EXOC5: variants seen among roughly 807,000 people sequenced by gnomAD.
EXOC5 encodes exocyst complex component 5.
A neutral mutation model predicts 90.8 loss-of-function variants in EXOC5; 17 were observed. The ratio of observed to expected loss-of-function variants is 0.19; its 90% CI spans 0.13 to 0.28. The LOEUF (loss-of-function observed/expected upper bound fraction) is 0.28. Ranked by LOEUF, EXOC5 falls within the 10% of genes least tolerant of loss-of-function variation. The pLI is 1.00. For missense variants in EXOC5, 569 were observed against 830.6 expected, an observed-to-expected ratio of 0.69 and a Z score of 3.87; for synonymous variants, 260 against 270.0, an observed-to-expected ratio of 0.96 and a Z score of 0.36.
intron 12 of EXOC5, among the ~76,000 whole-genome samples, chr14:57,224,323 A>G (rs1883239469): frequency 6.6e-6 from 1 of 152,154 alleles, no homozygotes; most frequent in Non-Finnish European, 1.5e-5. Context: ...CAGTAAAATG[A>G]ATAAATCTCT....
intron 6 of EXOC5, among the ~76,000 whole-genome samples, chr14:57,236,568 G>A (rs1056149563): frequency 9.9e-5 from 15 of 152,014 alleles, no homozygotes; most frequent in Non-Finnish European, 2.1e-4. Context: ...TTACAGGTGC[G>A]AACCACCATG....
intron 15 of EXOC5, among the ~76,000 whole-genome samples, chr14:57,212,786 C>T (rs959955546): frequency 8.5e-5 from 13 of 152,104 alleles, no homozygotes; most frequent in African/African-American, 2.7e-4. Flanking sequence ...TGAACAGCCA[C>T]GATTCCCTTC....
chr14:57,267,459 G>A (rs962485026), intron 1 of EXOC5, among the ~76,000 whole-genome samples: 9 of 152,108 alleles, frequency 5.9e-5, no homozygotes, highest in African/African-American at 2.2e-4. Flanking sequence ...CATTCAAATT[G>A]TAAGCCACAA....
rs570952606 is a variant in EXOC5 at position 57,242,041 on chromosome 14, G to A, written c.465+2124C>T. Among the ~76,000 whole-genome samples the A allele has an allele frequency of 2.7e-5, 4 of 150,740 alleles. No homozygotes were observed. In the South Asian group the frequency reaches 8.5e-4, roughly 32 times the overall value. On this transcript the variant is annotated intron_variant, in intron 4 of 17. Transcript: ENST00000621441. ...CCAGCTACTCAGGAGGCTGAGGCAG[G>A]AGAATGGCATGAACCCAGGAGGCGG...
At chr14:57,257,972 A>G (rs1319986075) in intron 1 of EXOC5, among the ~76,000 whole-genome samples, 12 of 152,248 alleles carry the variant, frequency 7.9e-5, no homozygotes. Flanking sequence ...AAAAATTACC[A>G]AGCCAAAACA....
At position 57,263,739 on chromosome 14, in the gene EXOC5, TAAAAAAA is replaced by T. The variant is rs550651836; in HGVS notation, c.27+4876_27+4882del. On this transcript the variant is annotated intron_variant, in intron 1 of 17. Transcript: ENST00000621441. Reference sequence around the variant, plus strand: ...GAGATCACGCCACTGCACTCCAGCCTAAAAAAAAAAAAAAAAAAAAAAAGCAAAAAAA... The same window carrying T: ...GAGATCACGCCACTGCACTCCAGCCTAAAAAAAAAAAAAAAAGCAAAAAAA... Among the ~76,000 whole-genome samples the T allele has an allele frequency of 8.9e-4, 35 of 39,368 alleles. No individual in the cohort carries two copies. In the East Asian group the frequency reaches 0.013, roughly 14 times the overall value. The allele number at this position is 39,368 out of a possible 152,430, so 25.8% of individuals were successfully genotyped here.
In EXOC5 at chr14:57,200,780, C is replaced by T. The variant is rs1267711064; in HGVS notation, c.*7829G>A. On this transcript the variant is annotated 3_prime_UTR_variant, in exon 18 of 18. Coordinates refer to ENST00000621441, the MANE Select transcript of EXOC5 (RefSeq NM_006544.4). ...ATTAAAAAAAAAAAAAAAAAACTTC[C>T]ACCAAAAATATAGTTGTTTCTGCGT... is the stretch of plus-strand genomic sequence containing the variant. The T allele has an allele frequency of 2.0e-5, 3 of 150,848 alleles. No homozygotes were observed. In the East Asian group the frequency reaches 5.8e-4, roughly 29 times the overall value. 9.3% of individuals were successfully genotyped at this position (150,848 alleles called of 1,614,324 possible).
chr14:57,237,888 G>A (rs1303200864), intron 5 of EXOC5, among the ~76,000 whole-genome samples: 1 of 151,930 alleles, frequency 6.6e-6, no homozygotes, highest in Non-Finnish European at 1.5e-5. Context: ...CAAATGATAA[G>A]ACCCAGCAAT....
At chr14:57,238,217 T>TAC (rs1452646532) in intron 5 of EXOC5, among the ~76,000 whole-genome samples, 79 of 60,372 alleles carry the variant, frequency 1.3e-3, no homozygotes, top group African/African-American at 4.4e-3. Context: ...CAACTCCACA[T>TAC]ATATATACAC....
At chr14:57,238,375 T>TATATACACACAC (rs1239623225) in intron 5 of EXOC5, among the ~76,000 whole-genome samples, 16 of 74,898 alleles carry the variant, frequency 2.1e-4, no homozygotes, top group South Asian at 1.5e-3. Flanking sequence ...TATATATATA[T>TATATACACACAC]ACACACACAC....
At chr14:57,260,910 T>C (rs997704863) in intron 1 of EXOC5, among the ~76,000 whole-genome samples, 10 of 152,204 alleles carry the variant, frequency 6.6e-5, no homozygotes, top group African/African-American at 2.2e-4. Flanking sequence ...ATTAAGTGTA[T>C]TGCCAAATAC....
intron 1 of EXOC5, among the ~76,000 whole-genome samples, chr14:57,261,083 T>C (rs1884490566): frequency 6.6e-6 from 1 of 152,208 alleles, no homozygotes; most frequent in South Asian, 2.1e-4. Flanking sequence ...GGAAGTAACA[T>C]CAGAAAAGTT....
chr14:57,256,512 C>A (rs1884353608), intron 1 of EXOC5, among the ~76,000 whole-genome samples: 1 of 152,022 alleles, frequency 6.6e-6, no homozygotes, highest in Non-Finnish European at 1.5e-5. Context: ...AATTTTCCTC[C>A]AGGATGAGAC....
intron 3 of EXOC5, 23 bp from the exon 4 acceptor site, chr14:57,244,382 T>C: frequency 3.2e-6 from 5 of 1,540,932 alleles, no homozygotes; most frequent in Non-Finnish European, 4.5e-6. Flanking sequence ...TGCATAAGCA[T>C]AAAATACAAT....
rs1882541548 is a variant in EXOC5, at chr14:57,202,640, CATA to C, written c.*5966_*5968del. ...TCAATGTGATATATAACTAAGAAAA[CATA>C]ATGTTAATCATGGTAAACTTTGTTC... On this transcript the variant is annotated 3_prime_UTR_variant, in exon 18 of 18. Coordinates refer to ENST00000621441, the MANE Select transcript of EXOC5 (RefSeq NM_006544.4). The C allele has an allele frequency of 6.6e-6, 1 of 152,086 alleles. No individual in the cohort carries two copies. Among genetic ancestry groups the C allele is most frequent in the African/African-American group, 2.4e-5 (1 of 41,414 alleles). 9.4% of individuals were successfully genotyped at this position (152,086 alleles called of 1,614,324 possible). A position where few individuals can be genotyped will look rare whatever the true frequency, so the allele number is the denominator to read the frequency against.
intron 1 of EXOC5, chr14:57,268,397 C>A: frequency 7.7e-7 from 1 of 1,296,856 alleles, no homozygotes; most frequent in Non-Finnish European, 1.0e-6. Flanking sequence ...CCCGGCTTCC[C>A]CTCTCTGCCG....
chr14:57,231,507 C>A lies in EXOC5; in HGVS notation c.1147G>T (p.Gly383Cys), dbSNP rs754146535. 1 of 1,603,878 alleles carries A rather than the reference C, an allele frequency of 6.2e-7. No homozygotes were observed. Among genetic ancestry groups the A allele is most frequent in the Non-Finnish European group, 8.5e-7 (1 of 1,175,444 alleles). Residue 383 changes from glycine to cysteine, a missense_variant and splice_region_variant, in exon 11 of 18, where the codon GGT becomes TGT. Physicochemically the swap from Gly to Cys is radical, Grantham distance 159. Around this residue, in one of 9 missense-constraint regions of EXOC5, gnomAD observed 69 missense variants for 115.5 expected, o/e 0.60. Transcript: ENST00000621441. ...GAAGTATTTAACAAAAATACTCACC[C>A]TCCTGTGCCAATGGATCTCTTTTGA... ...NHQKRSIGTG[G>C]IQDLKERIRQ... is the part of the protein sequence containing the mutation.
rs1214298567 is a variant in EXOC5 at position 57,205,520 on chromosome 14, A to G, written c.*3089T>C. 4.4e-6 allele frequency: 1 copy of G among 228,892 alleles called. No homozygotes were observed. The highest frequency in any genetic ancestry group is 8.6e-6 in the Non-Finnish European group (1 of 116,220). 14.2% of individuals were successfully genotyped at this position (228,892 alleles called of 1,614,324 possible). ...AACACAGTTCAAGCATGCCTTAGCC[A>G]CTACCTTAGGTACTTGACCACTTTA... On this transcript the variant is annotated 3_prime_UTR_variant, in exon 18 of 18. Coordinates refer to ENST00000621441, the MANE Select transcript of EXOC5 (RefSeq NM_006544.4).
At chr14:57,210,333 A>C (rs973031787) in intron 15 of EXOC5, among the ~76,000 whole-genome samples, 1 of 152,172 alleles carries the variant, frequency 6.6e-6, no homozygotes, top group African/African-American at 2.4e-5. Flanking sequence ...GTCTGTCATT[A>C]ATTTAATTCC....
Sources: gnomAD v4.1 joint callset for allele counts (sites outside exome capture counted in the v4.1 genomes callset) on GRCh38, gnomAD v4.1.1 for gene constraint, gnomAD v4.1.1 regional missense constraint, MANE v1.5 for transcripts, NCBI Gene and HGNC (gene_info 2026-07-23, HGNC 2026-07-21) for gene names.